Variants in REC8 observed in about 807,000 individuals in gnomAD.
REC8 encodes the protein REC8 meiotic recombination protein.
A neutral mutation model predicts 78.3 loss-of-function variants in REC8; 42 were observed. That is an observed-to-expected ratio of 0.54 (90% CI 0.42 to 0.69). REC8 has a LOEUF of 0.69. REC8 is among the 30% of genes least tolerant of loss of function. The pLI is 0.00. For missense variants in REC8, 581 were observed against 715.8 expected (o/e 0.81, Z 2.15); for synonymous variants, 268 against 274.1 (o/e 0.98, Z 0.22).
chr14:24,175,197 G>T, intron 5 of REC8: 1 of 174,142 alleles, frequency 5.7e-6, no homozygotes, highest in South Asian at 1.3e-4. Context: ...GTAGAAATCA[G>T]GTTTCACGAT....
At position 24,179,617 on chromosome 14, in the gene REC8, C is replaced by T; in HGVS notation, c.1342C>T (p.Pro448Ser). 6.2e-7 allele frequency: 1 copy of T among 1,614,200 alleles called. No homozygotes were observed. The highest frequency in any genetic ancestry group is 8.5e-7 in the Non-Finnish European group (1 of 1,180,034). Residue 448 changes from proline to serine, a missense_variant, in exon 17 of 19, where the codon CCA (proline) becomes TCA (serine). By Grantham distance (74) the Pro-to-Ser change is moderately conservative. Transcript: ENST00000611366. ...ERWAWPEVEA[P>S]EAPALPVVPE... is the part of the protein sequence containing the mutation. ...TAGGGCCTGGCCTGAGGTGGAGGCG[C>T]CAGAAGCTCCTGCATTGCCCGTGGT... is the stretch of plus-strand genomic sequence containing the variant.
intron 15 of REC8, 27 bp from the exon 16 acceptor site, chr14:24,179,370 C>A: frequency 6.2e-7 from 1 of 1,612,886 alleles, no homozygotes; most frequent in Non-Finnish European, 8.5e-7. Context: ...AAGCAGACAC[C>A]CACTAGCGCC....
chr14:24,174,626 C>T (rs568645649), intron 5 of REC8, among the ~76,000 whole-genome samples: 2 of 152,322 alleles, frequency 1.3e-5, no homozygotes, highest in South Asian at 4.1e-4. Flanking sequence ...TCTCAGTCCT[C>T]TGGGCATCTG....
chr14:24,177,626 A>C lies in REC8; in HGVS notation c.815-83A>C. 7 of 1,577,764 alleles carry C rather than the reference A, an allele frequency of 4.4e-6. No individual in the cohort carries two copies. The South Asian group carries it at 8.0e-5, about 18-fold the overall frequency. On this transcript the variant is annotated intron_variant, in intron 10 of 18. Transcript: ENST00000611366. The stretch of plus-strand genomic sequence containing the variant: ...AGGGCTTTATATCCCAACTTGCTAA[A>C]GGGAGGACCCTGCAGTTTCTTGCCC...
At chr14:24,177,043 G>A in intron 7 of REC8, 98 bp from the exon 8 acceptor site, 1 of 1,369,436 alleles carries the variant, frequency 7.3e-7, no homozygotes, top group South Asian at 1.2e-5. Context: ...CTTGAACCTG[G>A]CCCTGTGGCA....
chr14:24,175,867 G>A (rs906540404), intron 6 of REC8, among the ~76,000 whole-genome samples: 4 of 151,402 alleles, frequency 2.6e-5, no homozygotes, highest in East Asian at 2.0e-4. Flanking sequence ...CATGCCCGGC[G>A]AATTTTTGTA....
chr14:24,175,456 C>T lies in REC8; in HGVS notation c.463-87C>T, dbSNP rs148696013. ...AGAATTAGGCATAAAAGGAGATTAC[C>T]GTGCATTGTTGAAGAAGGCTGTGAA... On this transcript the variant is annotated intron_variant, in intron 5 of 18. Transcript: ENST00000611366. 1,125 of 996,800 alleles carry T rather than the reference C, an allele frequency of 1.1e-3. 9 individuals are homozygous for T. The African/African-American group carries it at 0.016, about 15-fold the overall frequency. The allele number at this position is 996,800 out of a possible 1,614,324, so 61.7% of individuals were successfully genotyped here.
At chr14:24,176,738 T>C (rs1186101989) in intron 6 of REC8, 84 bp from the exon 7 acceptor site, 1 of 1,079,480 alleles carries the variant, frequency 9.3e-7, no homozygotes, top group East Asian at 2.6e-5. Context: ...TACCTTGACT[T>C]CAGAGTCCAT....
At chr14:24,173,513 C>A in intron 5 of REC8, 102 bp downstream of exon 5, 1 of 1,557,806 alleles carries the variant, frequency 6.4e-7, no homozygotes, top group Non-Finnish European at 8.7e-7. Flanking sequence ...CTTACCACAG[C>A]TCTCTCCCAC....
intron 11 of REC8, 85 bp downstream of exon 11, chr14:24,177,843 T>A: frequency 6.7e-7 from 1 of 1,488,892 alleles, no homozygotes; most frequent in Non-Finnish European, 8.9e-7. Context: ...GGGCCACTGC[T>A]AGCTTACAGG....
rs773281134 is a variant in REC8, at chr14:24,178,899, G to A, written c.1186G>A (p.Val396Ile). ...AAEEERRKIE[V>I]PSEIEVPREA... ...TGAGGAGGAAAGGAGAAAGATTGAA[G>A]TTCCAAGTGAGATTGAGGTAACTGC... Residue 396 changes from valine to isoleucine, a missense_variant, in exon 14 of 19, where the codon GTT becomes ATT. Transcript: ENST00000611366. 3 of 1,613,194 alleles carry A rather than the reference G, an allele frequency of 1.9e-6. No individual in the cohort carries two copies. The highest frequency in any genetic ancestry group is 1.7e-5 in the Admixed American group (1 of 59,978).
At chr14:24,175,347 G>A (rs1365963893) in intron 5 of REC8, 196 bp from the exon 6 acceptor site, 1 of 537,690 alleles carries the variant, frequency 1.9e-6, no homozygotes. Flanking sequence ...TGGGGTGCGG[G>A]TTGGGGAGGG....
At position 24,172,694 on chromosome 14, in the gene REC8, C is replaced by T. The variant is rs1183684564; in HGVS notation, c.57-19C>T. ...CTCCCCCTCCATCCCCATTCTCCCA[C>T]CTTCCCCACCCACTTCAGGCTGGCG... On this transcript the variant is annotated intron_variant, in intron 1 of 18. Coordinates refer to ENST00000611366, the MANE Select transcript of REC8 (RefSeq NM_001048205.2). 1.9e-5 allele frequency: 31 copies of T among 1,614,064 alleles called. No homozygotes were observed. The highest frequency in any genetic ancestry group is 2.5e-5 in the Non-Finnish European group (30 of 1,179,988).
intron 7 of REC8, 39 bp downstream of exon 7, chr14:24,176,940 C>A: frequency 6.6e-7 from 1 of 1,509,538 alleles, no homozygotes; most frequent in East Asian, 2.3e-5. Flanking sequence ...GTCCAGCCCC[C>A]TTGCATGTAC....
In REC8 at chr14:24,172,792, G is replaced by C. The variant is rs1566627647; in HGVS notation, c.125+11G>C. ...TGTGGTGAAAACCTGGTAAGGCCCA[G>C]AAAAGGGAAGGAGGGCCTGGTGCGG... On this transcript the variant is annotated intron_variant, in intron 2 of 18. Transcript: ENST00000611366. The C allele has an allele frequency of 1.2e-6, 2 of 1,614,198 alleles. No homozygotes were observed. Among genetic ancestry groups the C allele is most frequent in the Non-Finnish European group, 1.7e-6 (2 of 1,180,030 alleles).
chr14:24,173,956 C>G (rs111784995), intron 5 of REC8, among the ~76,000 whole-genome samples: 2 of 152,060 alleles, frequency 1.3e-5, no homozygotes, highest in African/African-American at 4.8e-5. Flanking sequence ...ACCTCTGCCT[C>G]CCCGGTTCAA....
In REC8 at chr14:24,177,121, T is replaced by C; in HGVS notation, c.625-20T>C. The C allele has an allele frequency of 6.2e-7, 1 of 1,610,922 alleles. No homozygotes were observed. Among genetic ancestry groups the C allele is most frequent in the East Asian group, 2.2e-5 (1 of 44,852 alleles). On this transcript the variant is annotated intron_variant, in intron 7 of 18. Transcript: ENST00000611366. Reference sequence around the variant, plus strand: ...GAAATATTATTGAATCCCCTCCCCTTGCTCTTCCTCTCTGGACAGGGTGAA... The same window carrying C: ...GAAATATTATTGAATCCCCTCCCCTCGCTCTTCCTCTCTGGACAGGGTGAA...
At position 24,179,795 on chromosome 14, in the gene REC8, T is replaced by G. The variant is rs1289302087; in HGVS notation, c.1452-5T>G. On this transcript the variant is annotated splice_polypyrimidine_tract_variant and splice_region_variant and intron_variant, in intron 17 of 18. Transcript: ENST00000611366. ...GCCTCTGCTAATGGTTCTTGATCCC[T>G]ATAGGGCAGTGGCACTGGAGCTGCA... is the stretch of plus-strand genomic sequence containing the variant. The G allele has an allele frequency of 6.2e-7, 1 of 1,613,554 alleles. No homozygotes were observed. The highest frequency in any genetic ancestry group is 1.7e-5 in the Admixed American group (1 of 59,994).
Position 24,178,137 on chromosome 14 carries a change from G to T in REC8, c.911G>T (p.Arg304Leu), listed in dbSNP as rs375099298. Residue 304 changes from arginine to leucine, a missense_variant, in exon 12 of 19, where the codon CGG becomes CTG. Coordinates refer to ENST00000611366, the MANE Select transcript of REC8 (RefSeq NM_001048205.2). ...PPPPRRRRRR[R>L]LLFWDKETQI... ...CCTCCTCGCCGCCGCCGTCGTCGCC[G>T]GTTACTGTTCTGGGACAAGGAGACT... The T allele has an allele frequency of 6.4e-5, 103 of 1,613,812 alleles. No homozygotes were observed. The highest frequency in any genetic ancestry group is 7.5e-5 in the Non-Finnish European group (88 of 1,179,926).
Sources: allele counts gnomAD v4.1 joint callset (sites outside exome capture counted in the v4.1 genomes callset), GRCh38; gene constraint gnomAD v4.1.1; transcripts MANE v1.5; gene names NCBI Gene and HGNC (gene_info 2026-07-23, HGNC 2026-07-21).